The following NAALADL2 variants were observed in gnomAD, a reference collection of about 807,000 sequenced individuals.
NAALADL2 encodes inactive N-acetylated-alpha-linked acidic dipeptidase-like protein 2.
NAALADL2 carries 76 observed loss-of-function variants against 87.2 expected under a neutral mutation model. The observed-to-expected ratio is 0.87, with a 90% confidence interval of 0.72 to 1.05. NAALADL2 has a LOEUF of 1.05. Ranked by LOEUF, NAALADL2 falls within the 50% of genes least tolerant of loss-of-function variation. The pLI, the probability that NAALADL2 is intolerant of heterozygous loss-of-function variation, is 0.00. For synonymous variants in NAALADL2, 354 were observed against 331.0 expected (o/e 1.07, Z -0.75); for missense variants, 1,089 against 945.8 (o/e 1.15, Z -1.99).
At chr3:174,846,522 TA>T (rs1337835910) in intron 3 of NAALADL2, among the ~76,000 whole-genome samples, 1 of 152,192 alleles carries the variant, frequency 6.6e-6, no homozygotes, top group Non-Finnish European at 1.5e-5. Context: ...ATAAGAGAAT[TA>T]AAAGTTTAGT....
chr3:175,345,311 T>A (rs1207608945), intron 5 of NAALADL2, among the ~76,000 whole-genome samples: 1 of 151,812 alleles, frequency 6.6e-6, no homozygotes, highest in African/African-American at 2.4e-5. Flanking sequence ...TAGCCAACCA[T>A]TAAGAAGTAC....
At chr3:175,545,423 A>T (rs564219196) in intron 9 of NAALADL2, among the ~76,000 whole-genome samples, 1 of 152,262 alleles carries the variant, frequency 6.6e-6, no homozygotes, top group South Asian at 2.1e-4. Context: ...CATCTTGTAA[A>T]GGAATGAATG....
intron 4 of NAALADL2, among the ~76,000 whole-genome samples, chr3:175,274,258 A>G (rs1227572951): frequency 6.6e-6 from 1 of 152,254 alleles, no homozygotes; most frequent in African/African-American, 2.4e-5. Flanking sequence ...ATTCATTATC[A>G]TGAGAACAGC....
At chr3:174,967,455 G>T (rs931096466) in intron 1 of NAALADL2, among the ~76,000 whole-genome samples, 1 of 151,406 alleles carries the variant, frequency 6.6e-6, no homozygotes, top group Non-Finnish European at 1.5e-5. Context: ...ATTTGACTTT[G>T]TTGCTCCTGT....
At chr3:174,715,727 G>A (rs1280187316) in intron 2 of NAALADL2, among the ~76,000 whole-genome samples, 1 of 152,136 alleles carries the variant, frequency 6.6e-6, no homozygotes, top group Non-Finnish European at 1.5e-5. Context: ...AAGGATGAAT[G>A]TGTTAGAAGG....
intron 6 of NAALADL2, among the ~76,000 whole-genome samples, chr3:175,457,385 T>G (rs1469612823): frequency 6.6e-6 from 1 of 152,102 alleles, no homozygotes; most frequent in Non-Finnish European, 1.5e-5. Flanking sequence ...TATAATTTTT[T>G]TCTTTTATAC....
chr3:174,855,964 A>G (rs201296559), upstream of NAALADL2, among the ~76,000 whole-genome samples: 1,000 of 103,814 alleles, frequency 9.6e-3, 11 homozygotes, highest in African/African-American at 0.048. Context: ...ATATATGTGT[A>G]TGTGTGTGTG....
At chr3:175,179,806 C>T (rs2108977461) in intron 2 of NAALADL2, among the ~76,000 whole-genome samples, 1 of 152,016 alleles carries the variant, frequency 6.6e-6, no homozygotes, top group Non-Finnish European at 1.5e-5. Context: ...ACTTTATCAG[C>T]TAATTTAGCT....
intron 6 of NAALADL2, among the ~76,000 whole-genome samples, chr3:175,448,584 C>T (rs1721055750): frequency 6.6e-6 from 1 of 152,172 alleles, no homozygotes; most frequent in Admixed American, 6.5e-5. Context: ...TATGTCACCT[C>T]CCACTGGAAG....
Position 175,312,259 on chromosome 3 carries a change from T to C in NAALADL2, c.940-11916T>C, listed in dbSNP as rs140108631. On this transcript the variant is annotated intron_variant, in intron 4 of 13. Coordinates refer to ENST00000454872, the MANE Select transcript of NAALADL2 (RefSeq NM_207015.3). ...TTATATATTACGTGTCCAGTATTTT[T>C]ATTTTTCACATATGCTAGACCTATT... 2.0e-5 allele frequency among the ~76,000 whole-genome samples: 3 copies of C among 152,308 alleles called. No individual in the cohort carries two copies. The East Asian group carries it at 5.8e-4, about 29-fold the overall frequency.
At chr3:174,851,854 C>G (rs907876629) in intron 3 of NAALADL2, among the ~76,000 whole-genome samples, 1 of 151,982 alleles carries the variant, frequency 6.6e-6, no homozygotes, top group Admixed American at 6.6e-5. Flanking sequence ...CTGAATTCAA[C>G]AACACATTAA....
chr3:175,322,342 A>G (rs1488083730), intron 4 of NAALADL2, among the ~76,000 whole-genome samples: 1,585 of 126,520 alleles, frequency 0.013, 24 homozygotes, highest in Non-Finnish European at 0.018. Flanking sequence ...TCAATTCAAG[A>G]TGGATTAAAG....
chr3:175,433,943 G>A lies in NAALADL2; in HGVS notation c.1091-13286G>A, dbSNP rs150963587. ...ATTAACCAAGGGAATTTTTCCCATGGCAAGTGTTTTAGAATACCAATATTT... is the reference window on the plus strand; with the variant it reads ...ATTAACCAAGGGAATTTTTCCCATGACAAGTGTTTTAGAATACCAATATTT... On this transcript the variant is annotated intron_variant, in intron 5 of 13. Transcript: ENST00000454872. Among the ~76,000 whole-genome samples, 409 of 151,974 alleles carry A rather than the reference G, an allele frequency of 2.7e-3. 6 individuals carry two copies. The highest frequency in any genetic ancestry group is 0.013 in the South Asian group (64 of 4,820).
chr3:174,446,915 T>G (rs1186111039), intron 1 of NAALADL2, among the ~76,000 whole-genome samples: 2 of 152,172 alleles, frequency 1.3e-5, no homozygotes, highest in Non-Finnish European at 2.9e-5. Context: ...AAGATGAAGA[T>G]AGGAGCAACC....
intron 3 of NAALADL2, among the ~76,000 whole-genome samples, chr3:174,764,369 T>C (rs1416369266): frequency 6.6e-6 from 1 of 152,180 alleles, no homozygotes; most frequent in Non-Finnish European, 1.5e-5. Flanking sequence ...GCCTGCACTT[T>C]GGGAGGTTGA....
chr3:175,794,543 C>G (rs771632141), intron 13 of NAALADL2, among the ~76,000 whole-genome samples: 1 of 152,056 alleles, frequency 6.6e-6, no homozygotes, highest in Non-Finnish European at 1.5e-5. Context: ...CTATCGAGCA[C>G]TGTGCAGTGG....
At chr3:174,697,996 C>T (rs1287979022) in intron 2 of NAALADL2, among the ~76,000 whole-genome samples, 1 of 152,084 alleles carries the variant, frequency 6.6e-6, no homozygotes, top group African/African-American at 2.4e-5. Context: ...GAGGCTGAAC[C>T]AGGAGAATCG....
intron 1 of NAALADL2, among the ~76,000 whole-genome samples, chr3:174,869,396 GGAAA>G (rs1203130655): frequency 2.0e-5 from 3 of 152,130 alleles, no homozygotes; most frequent in African/African-American, 4.8e-5. Flanking sequence ...GTTCAGTGAA[GGAAA>G]GAATGAAAGT....
At chr3:175,533,700 T>C (rs567697307) in intron 9 of NAALADL2, among the ~76,000 whole-genome samples, 16 of 152,334 alleles carry the variant, frequency 1.1e-4, no homozygotes, top group African/African-American at 3.8e-4. Flanking sequence ...GGCGAGGCTG[T>C]GCGTGCACCT....
Sources: allele counts gnomAD v4.1 joint callset (sites outside exome capture counted in the v4.1 genomes callset), GRCh38; gene constraint gnomAD v4.1.1; transcripts MANE v1.5; gene names NCBI Gene and HGNC (gene_info 2026-07-23, HGNC 2026-07-21).